The following RPRD2 variants were observed in gnomAD, a reference collection of about 807,000 sequenced individuals.
The protein encoded by RPRD2 is regulation of nuclear pre-mRNA domain containing 2, also known as regulation of nuclear pre-mRNA domain-containing protein 2.
RPRD2 carries 12 observed loss-of-function variants against 104.4 expected under a neutral mutation model. The ratio of observed to expected loss-of-function variants is 0.11; its 90% CI spans 0.07 to 0.19. The LOEUF (loss-of-function observed/expected upper bound fraction) is 0.19. Among genes scored for constraint, RPRD2 ranks in the 10% least tolerant of loss-of-function variants. The pLI, the probability that RPRD2 is intolerant of heterozygous loss-of-function variation, is 1.00. For synonymous variants in RPRD2, 714 were observed against 684.9 expected (o/e 1.04, Z -0.66); for missense variants, 1,543 against 1,790.1 (o/e 0.86, Z 2.49).
At chr1:150,423,127 TAG>T (rs1410166466) in intron 2 of RPRD2, among the ~76,000 whole-genome samples, 1 of 152,182 alleles carries the variant, frequency 6.6e-6, no homozygotes, top group African/African-American at 2.4e-5. Context: ...ATTTGTGTCC[TAG>T]AGGTCCTAGC....
At chr1:150,462,164 C>A (rs1357506485) in intron 9 of RPRD2, among the ~76,000 whole-genome samples, 2 of 152,108 alleles carry the variant, frequency 1.3e-5, no homozygotes, top group South Asian at 2.1e-4. Context: ...CATCTGTAGT[C>A]CCAGCTACTT....
intron 2 of RPRD2, among the ~76,000 whole-genome samples, chr1:150,437,347 T>C (rs587715421): frequency 6.6e-6 from 1 of 152,208 alleles, no homozygotes; most frequent in Admixed American, 6.5e-5. Context: ...AATACAAATA[T>C]TAGCTGGGTG....
chr1:150,400,389 A>G (rs1004278672), intron 1 of RPRD2, among the ~76,000 whole-genome samples: 1 of 152,148 alleles, frequency 6.6e-6, no homozygotes, highest in Admixed American at 6.6e-5. Context: ...TGAAACTTCT[A>G]GGATGATGGT....
intron 1 of RPRD2, among the ~76,000 whole-genome samples, chr1:150,392,499 C>CA (rs1372138571): frequency 3.3e-5 from 5 of 151,688 alleles, no homozygotes; most frequent in Admixed American, 1.3e-4. Context: ...AGTGAGACTC[C>CA]AAAAAAAATT....
intron 10 of RPRD2, among the ~76,000 whole-genome samples, chr1:150,465,199 GA>G (rs1428287205): frequency 6.6e-6 from 1 of 151,842 alleles, no homozygotes; most frequent in African/African-American, 2.4e-5. Context: ...GCCCAGGCTG[GA>G]GTGCAGTGGC....
At chr1:150,418,371 C>T (rs1553889005) in intron 2 of RPRD2, among the ~76,000 whole-genome samples, 3 of 152,172 alleles carry the variant, frequency 2.0e-5, no homozygotes, top group Non-Finnish European at 4.4e-5. Context: ...GAATGTGCTT[C>T]CTTCTAACTG....
At chr1:150,443,822 G>A (rs587749550) in intron 5 of RPRD2, among the ~76,000 whole-genome samples, 5 of 151,188 alleles carry the variant, frequency 3.3e-5, no homozygotes, top group South Asian at 2.1e-4. Flanking sequence ...TGGCTAATAC[G>A]GTGAAACCCC....
intron 10 of RPRD2, among the ~76,000 whole-genome samples, chr1:150,468,744 A>T (rs185817372): frequency 2.0e-5 from 3 of 152,150 alleles, no homozygotes; most frequent in African/African-American, 7.2e-5. Context: ...GGGCATAGTG[A>T]TGTACACCTG....
chr1:150,444,057 G>A (rs1666592910), intron 5 of RPRD2, among the ~76,000 whole-genome samples, 194 bp from the exon 6 acceptor site: 1 of 152,108 alleles, frequency 6.6e-6, no homozygotes, highest in African/African-American at 2.4e-5. Context: ...ACTAAACATG[G>A]TTTTGACATG....
At chr1:150,378,549 A>G (rs1441858534) in intron 1 of RPRD2, among the ~76,000 whole-genome samples, 1 of 152,214 alleles carries the variant, frequency 6.6e-6, no homozygotes, top group Non-Finnish European at 1.5e-5. Flanking sequence ...GCACCTGCCC[A>G]TTCTCATATA....
intron 1 of RPRD2, among the ~76,000 whole-genome samples, chr1:150,372,833 T>G (rs587643746): frequency 6.6e-6 from 1 of 152,078 alleles, no homozygotes; most frequent in African/African-American, 2.4e-5. Context: ...CAAGAAAGCT[T>G]CTGTGACTGG....
At chr1:150,366,419 C>T (rs1248213302) in intron 1 of RPRD2, among the ~76,000 whole-genome samples, 1 of 152,174 alleles carries the variant, frequency 6.6e-6, no homozygotes, top group Non-Finnish European at 1.5e-5. Context: ...TTAGTAGATA[C>T]CGGACAGAAT....
chr1:150,472,415 G>A lies in RPRD2; in HGVS notation c.3467G>A (p.Ser1156Asn). 6.2e-7 allele frequency: 1 copy of A among 1,613,980 alleles called. No individual in the cohort carries two copies. Among genetic ancestry groups the A allele is most frequent in the East Asian group, 2.2e-5 (1 of 44,872 alleles). The change falls in exon 11 of 11, where the codon AGC becomes AAC. Residue 1156 changes from serine (S) to asparagine (N), a missense_variant. Physicochemically the swap from Ser to Asn is conservative, Grantham distance 46. Coordinates refer to ENST00000369068, the MANE Select transcript of RPRD2 (RefSeq NM_015203.5). ...SELASLGGGG[S>N]GGLTGFKTAP... ...TTGGCATCCCTTGGGGGTGGGGGCAGCGGAGGCCTCACTGGCTTTAAAACA... is the reference window on the plus strand; with the variant it reads ...TTGGCATCCCTTGGGGGTGGGGGCAACGGAGGCCTCACTGGCTTTAAAACA...
At chr1:150,396,573 T>A (rs1260422703) in intron 1 of RPRD2, among the ~76,000 whole-genome samples, 1 of 152,226 alleles carries the variant, frequency 6.6e-6, no homozygotes, top group Non-Finnish European at 1.5e-5. Flanking sequence ...CTTCTACATG[T>A]GGCTTGCCAA....
At chr1:150,410,346 G>A (rs1449521597) in intron 1 of RPRD2, among the ~76,000 whole-genome samples, 1 of 152,144 alleles carries the variant, frequency 6.6e-6, no homozygotes, top group East Asian at 1.9e-4. Flanking sequence ...TCTGAGTTGA[G>A]ATTAGACTGA....
At chr1:150,376,747 G>A (rs1479741705) in intron 1 of RPRD2, among the ~76,000 whole-genome samples, 5 of 151,386 alleles carry the variant, frequency 3.3e-5, no homozygotes, top group African/African-American at 1.2e-4. Context: ...TGATCCGCCC[G>A]CCTTGGCCTC....
At position 150,442,783 on chromosome 1, in the gene RPRD2, A is replaced by C. The variant is rs148867408; in HGVS notation, c.515-448A>C. The stretch of plus-strand genomic sequence containing the variant: ...CCTTGCCTATTTTTGCTATGAATTG[A>C]GTCAGCAGAAAAAGAAATTCAAAGG... On this transcript the variant is annotated intron_variant, in intron 4 of 10. Coordinates refer to ENST00000369068, the MANE Select transcript of RPRD2 (RefSeq NM_015203.5). 5.5e-4 allele frequency among the ~76,000 whole-genome samples: 84 copies of C among 152,328 alleles called. 1 individual carries two copies. The East Asian group carries it at 0.014, about 25-fold the overall frequency.
intron 4 of RPRD2, among the ~76,000 whole-genome samples, chr1:150,442,603 T>TA (rs1553894694): frequency 1.3e-5 from 2 of 152,158 alleles, no homozygotes; most frequent in African/African-American, 4.8e-5. Context: ...TGAAACGAGA[T>TA]ACTTGGGATG....
intron 2 of RPRD2, among the ~76,000 whole-genome samples, chr1:150,435,321 T>C (rs933090481): frequency 6.6e-5 from 10 of 152,140 alleles, no homozygotes; most frequent in African/African-American, 2.4e-4. Flanking sequence ...GGCCTCTCAG[T>C]GTTCAAGTGA....
Sources: allele counts gnomAD v4.1 joint callset (sites outside exome capture counted in the v4.1 genomes callset), GRCh38; gene constraint gnomAD v4.1.1; transcripts MANE v1.5; gene names NCBI Gene and HGNC (gene_info 2026-07-23, HGNC 2026-07-21).